Variants in CCDC14 observed in about 807,000 individuals in gnomAD.
CCDC14 encodes the protein coiled-coil domain containing 14.
CCDC14 carries 71 observed loss-of-function variants against 81.4 expected under a neutral mutation model. The ratio of observed to expected loss-of-function variants is 0.87; its 90% CI spans 0.72 to 1.06. The LOEUF is 1.06. CCDC14 is among the 50% of genes least tolerant of loss of function. The probability of loss-of-function intolerance (pLI) is 0.00; values close to 1 mark genes in which losing one functional copy is unlikely to be tolerated. For missense variants in CCDC14, 1,046 were observed against 1,047.3 expected, an observed-to-expected ratio of 1.00 and a Z score of 0.02; for synonymous variants, 332 against 364.8, an observed-to-expected ratio of 0.91 and a Z score of 1.03.
At chr3:123,916,308 TATTCTTGAGCAGCACTAGGTTC>T (rs2034686143) in intron 12 of CCDC14, among the ~76,000 whole-genome samples, 2 of 152,096 alleles carry the variant, frequency 1.3e-5, no homozygotes, top group Admixed American at 6.6e-5. Context: ...CGAGATGGTT[TATTCTTGAGCAGCACTAGGTTC>T]ATTCTTGAGC....
At chr3:123,892,427 CT>C (rs1159669072), downstream of CCDC14, among the ~76,000 whole-genome samples, 1,016 of 152,252 alleles carry the variant, frequency 6.7e-3, 16 homozygotes, top group African/African-American at 0.024. Context: ...TTTTTCCCTC[CT>C]AGGCCTCCAG....
chr3:123,887,534 T>C, the CCDC14 span, among the ~76,000 whole-genome samples: 40 of 152,244 alleles, frequency 2.6e-4, no homozygotes, highest in Non-Finnish European at 4.6e-4. Flanking sequence ...TTATTTCTTA[T>C]AGTTCTGGGG....
At chr3:123,923,447 G>C (rs1233673716) in intron 12 of CCDC14, among the ~76,000 whole-genome samples, 1 of 151,156 alleles carries the variant, frequency 6.6e-6, no homozygotes, top group Non-Finnish European at 1.5e-5. Context: ...TTATGCAAGA[G>C]AAAAAAAATA....
chr3:123,914,936 C>T lies in CCDC14; in HGVS notation c.2561G>A (p.Ser854Asn). 6.2e-7 allele frequency: 1 copy of T among 1,614,080 alleles called. No individual in the cohort carries two copies. The highest frequency in any genetic ancestry group is 1.7e-5 in the Admixed American group (1 of 60,032). Residue 854 changes from serine (S) to asparagine (N), a missense_variant, in exon 13 of 13, where the codon AGT becomes AAT. By Grantham distance (46) the Ser-to-Asn change is conservative (BLOSUM62 1). Transcript: ENST00000409697. ...AGACATCAAGTCAGAAGTGAAAACA[C>T]TACCATCACAGACAGTATTGCCTTT... ...QVKGNTVCDG[S>N]VFTSDLMSDW... is the part of the protein sequence containing the mutation.
intron 5 of CCDC14, among the ~76,000 whole-genome samples, chr3:123,901,871 C>A (rs12493045): frequency 0.45 from 68,939 of 151,836 alleles, 18,230 homozygotes; most frequent in Non-Finnish European, 0.62. Flanking sequence ...AAACAACTTA[C>A]TAATGAGTAG....
At position 123,914,154 on chromosome 3, in the gene CCDC14, T is replaced by C. The variant is rs1425180459; in HGVS notation, c.*625A>G. 2.0e-6 allele frequency: 2 copies of C among 985,360 alleles called. No homozygotes were observed. The highest frequency in any genetic ancestry group is 2.4e-6 in the Non-Finnish European group (2 of 829,598). The allele number at this position is 985,360 out of a possible 1,614,324, so 61.0% of individuals were successfully genotyped here. ...TCTTTAAAGGCCTTAAAACATGAAT[T>C]TGGGATAAAAACAAATAAAAGTGCC... On this transcript the variant is annotated 3_prime_UTR_variant, in exon 13 of 13. Coordinates refer to ENST00000409697, the MANE Select transcript of CCDC14 (RefSeq NM_001366335.1).
At chr3:123,897,654 G>C in intron 5 of CCDC14, 1 of 957,860 alleles carries the variant, frequency 1.0e-6, no homozygotes, top group Non-Finnish European at 1.3e-6. Context: ...ATATAAACTT[G>C]GGATTACATT....
chr3:123,898,486 T>C (rs2034114413), intron 5 of CCDC14, among the ~76,000 whole-genome samples: 2 of 152,096 alleles, frequency 1.3e-5, no homozygotes, highest in Non-Finnish European at 2.9e-5. Context: ...CAGTGCCAGG[T>C]TGGAGAGACT....
chr3:123,956,090 C>A lies in CCDC14; in HGVS notation c.185G>T (p.Gly62Val). The change falls in exon 4 of 13, where the codon GGT becomes GTT. Residue 62 changes from glycine to valine, a missense_variant. Coordinates refer to ENST00000409697, the MANE Select transcript of CCDC14 (RefSeq NM_001366335.1). ...AATGTCCCTCAGCAAAGAAGCACAA[C>A]CATCAAGCCCGTGTACAGTTTCAGC... ...SQAETVHGLD[G>V]CASLLRDILR... 1 of 1,546,902 alleles carries A rather than the reference C, an allele frequency of 6.5e-7. No homozygotes were observed. Among genetic ancestry groups the A allele is most frequent in the Non-Finnish European group, 8.7e-7 (1 of 1,145,556 alleles).
chr3:123,949,996 A>G (rs983386459), intron 5 of CCDC14, among the ~76,000 whole-genome samples: 1 of 152,200 alleles, frequency 6.6e-6, no homozygotes, highest in African/African-American at 2.4e-5. Context: ...AGAACCTAGT[A>G]TTAGTCTATG....
chr3:123,888,350 T>G, the CCDC14 span, among the ~76,000 whole-genome samples: 1 of 152,214 alleles, frequency 6.6e-6, no homozygotes, highest in African/African-American at 2.4e-5. Flanking sequence ...AAAAGGAGAT[T>G]TGGTCCAGAC....
chr3:123,898,018 A>G (rs1266924035), intron 5 of CCDC14, among the ~76,000 whole-genome samples: 1 of 152,236 alleles, frequency 6.6e-6, no homozygotes, highest in Non-Finnish European at 1.5e-5. Flanking sequence ...GATATCATCT[A>G]TGAAAAATCC....
At chr3:123,915,782 A>T in intron 12 of CCDC14, 64 bp from the exon 13 acceptor site, 2 of 1,214,646 alleles carry the variant, frequency 1.6e-6, no homozygotes, top group Non-Finnish European at 2.3e-6. Context: ...TCACTTATCT[A>T]TACCTCCATC....
chr3:123,911,430 TAAGG>T (rs1347913408), downstream of CCDC14, among the ~76,000 whole-genome samples: 2 of 152,182 alleles, frequency 1.3e-5, no homozygotes, highest in African/African-American at 2.4e-5. Flanking sequence ...GAAAAATGAT[TAAGG>T]GAGTGTTAAC....
intron 5 of CCDC14, chr3:123,897,696 C>T (rs1187431714): frequency 4.8e-5 from 30 of 625,754 alleles, no homozygotes; most frequent in Non-Finnish European, 6.3e-5. Context: ...GTCATCCTTC[C>T]TTCATATTCT....
At chr3:123,889,182 G>T in the CCDC14 span, among the ~76,000 whole-genome samples, 3 of 152,208 alleles carry the variant, frequency 2.0e-5, no homozygotes, top group South Asian at 6.2e-4. Context: ...GGCCAAGGCA[G>T]GTGGATTACT....
At chr3:123,901,549 T>C (rs1270343518) in intron 5 of CCDC14, among the ~76,000 whole-genome samples, 2 of 152,050 alleles carry the variant, frequency 1.3e-5, no homozygotes, top group African/African-American at 4.8e-5. Flanking sequence ...ATATTAAGCA[T>C]TTAAATGTAA....
chr3:123,950,637 G>T (rs2148938216), intron 5 of CCDC14, among the ~76,000 whole-genome samples: 1 of 152,202 alleles, frequency 6.6e-6, no homozygotes, highest in South Asian at 2.1e-4. Context: ...GAGGGTCTAG[G>T]TGATGGTGAG....
At chr3:123,913,401 G>A (rs780206010), downstream of CCDC14, 1 of 983,300 alleles carries the variant, frequency 1.0e-6, no homozygotes, top group Non-Finnish European at 1.2e-6. Flanking sequence ...TTAAATATTT[G>A]GGAGTAGACA....
Sources: allele counts gnomAD v4.1 joint callset (sites outside exome capture counted in the v4.1 genomes callset), GRCh38; gene constraint gnomAD v4.1.1; transcripts MANE v1.5; gene names NCBI Gene and HGNC (gene_info 2026-07-23, HGNC 2026-07-21).